The following TBC1D5 variants were observed in gnomAD, a reference collection of about 807,000 sequenced individuals.
TBC1D5 encodes TBC1 domain family member 5.
TBC1D5 carries 75 observed loss-of-function variants against 100.3 expected under a neutral mutation model. That is an observed-to-expected ratio of 0.75 (90% CI 0.62 to 0.91). The LOEUF (loss-of-function observed/expected upper bound fraction) is 0.91. TBC1D5 is among the 40% of genes least tolerant of loss of function. The pLI is 0.00. For missense variants in TBC1D5, 910 were observed against 942.4 expected, an observed-to-expected ratio of 0.97 and a Z score of 0.45; for synonymous variants, 323 against 325.6, an observed-to-expected ratio of 0.99 and a Z score of 0.09.
intron 2 of TBC1D5, among the ~76,000 whole-genome samples, chr3:17,584,576 T>C (rs2096720735): frequency 1.3e-5 from 2 of 152,244 alleles, no homozygotes; most frequent in African/African-American, 4.8e-5. Flanking sequence ...GAAATTCAAG[T>C]AAAATTAAAT....
chr3:17,609,407 T>C (rs149884839), intron 2 of TBC1D5, among the ~76,000 whole-genome samples: 1 of 152,330 alleles, frequency 6.6e-6, no homozygotes, highest in African/African-American at 2.4e-5. Flanking sequence ...TTTATACTCC[T>C]TGATTACACT....
intron 15 of TBC1D5, among the ~76,000 whole-genome samples, chr3:17,277,909 C>T (rs768355322): frequency 2.6e-5 from 4 of 152,146 alleles, no homozygotes; most frequent in Admixed American, 6.5e-5. Context: ...TATTATCAAA[C>T]GATCTCTAGA....
intron 2 of TBC1D5, among the ~76,000 whole-genome samples, chr3:17,549,304 A>G (rs2096451008): frequency 1.3e-5 from 2 of 152,332 alleles, no homozygotes. Flanking sequence ...CCATCTCAAA[A>G]AAATAAGATA....
intron 1 of TBC1D5, among the ~76,000 whole-genome samples, chr3:17,631,121 A>G (rs2063476659): frequency 6.6e-6 from 1 of 152,140 alleles, no homozygotes; most frequent in Admixed American, 6.5e-5. Flanking sequence ...TTCTAAAGAA[A>G]ATTAAAAGTG....
At chr3:17,234,893 C>T (rs1342783589) in intron 17 of TBC1D5, among the ~76,000 whole-genome samples, 1 of 152,150 alleles carries the variant, frequency 6.6e-6, no homozygotes, top group Non-Finnish European at 1.5e-5. Context: ...ACAGTACACA[C>T]ATTTAGTCTC....
chr3:17,196,200 A>G (rs909597167), intron 18 of TBC1D5, among the ~76,000 whole-genome samples: 3 of 152,214 alleles, frequency 2.0e-5, no homozygotes, highest in Admixed American at 6.5e-5. Flanking sequence ...ATTACGTAGG[A>G]CACCCTCCAT....
rs554615979 is a variant in TBC1D5 at position 17,285,292 on chromosome 3, G to C, written c.1245+6603C>G. Among the ~76,000 whole-genome samples the C allele has an allele frequency of 6.6e-5, 8 of 121,716 alleles. No individual in the cohort carries two copies. The East Asian group carries it at 2.5e-3, about 38-fold the overall frequency. The allele number at this position is 121,716 out of a possible 152,430, so 79.9% of individuals were successfully genotyped here. A position where few individuals can be genotyped will look rare whatever the true frequency, so the allele number is the denominator to read the frequency against. ...TTTTTTTTTTTTGAGACGGAGTCTCGCTCTGTCGCCCAGGCTGGAGTGCAG... is the reference window on the plus strand; with the variant it reads ...TTTTTTTTTTTTGAGACGGAGTCTCCCTCTGTCGCCCAGGCTGGAGTGCAG... On this transcript the variant is annotated intron_variant, in intron 15 of 21. Coordinates refer to ENST00000253692, the Ensembl canonical transcript of TBC1D5.
intron 18 of TBC1D5, among the ~76,000 whole-genome samples, chr3:17,205,642 G>C (rs2125873307): frequency 6.6e-6 from 1 of 152,248 alleles, no homozygotes; most frequent in African/African-American, 2.4e-5. Flanking sequence ...CCTCTGTCAT[G>C]AGCCTCTCGT....
intron 1 of TBC1D5, among the ~76,000 whole-genome samples, chr3:17,661,003 T>G: frequency 6.6e-6 from 1 of 152,214 alleles, no homozygotes; most frequent in Non-Finnish European, 1.5e-5. Flanking sequence ...CACAAAAATC[T>G]ACATGACCAC....
chr3:17,356,860 G>A (rs1559709434), intron 13 of TBC1D5, among the ~76,000 whole-genome samples: 1 of 152,142 alleles, frequency 6.6e-6, no homozygotes, highest in Non-Finnish European at 1.5e-5. Flanking sequence ...TCTTCTAGAA[G>A]GCAGACCTTG....
intron 1 of TBC1D5, among the ~76,000 whole-genome samples, chr3:17,699,613 TAC>T (rs1419035743): frequency 6.9e-6 from 1 of 145,660 alleles, no homozygotes; most frequent in Non-Finnish European, 1.5e-5. Context: ...CATCATCTGA[TAC>T]AGATTTATTC....
intron 1 of TBC1D5, among the ~76,000 whole-genome samples, chr3:17,674,519 T>C (rs761433557): frequency 2.0e-4 from 30 of 152,208 alleles, no homozygotes; most frequent in East Asian, 5.8e-4. Flanking sequence ...TCATGCAATA[T>C]TGTAATTTAT....
chr3:17,650,967 T>C (rs1400122665), intron 1 of TBC1D5, among the ~76,000 whole-genome samples: 2 of 152,198 alleles, frequency 1.3e-5, no homozygotes, highest in Non-Finnish European at 1.5e-5. Context: ...GTACTCCCAG[T>C]GCTATCAGGT....
At chr3:17,192,363 TA>T (rs75783515) in intron 18 of TBC1D5, among the ~76,000 whole-genome samples, 2,392 of 140,878 alleles carry the variant, frequency 0.017, 36 homozygotes, top group African/African-American at 0.05. Flanking sequence ...AAATAAATTG[TA>T]AAAAAAAAAA....
At chr3:17,463,013 C>T (rs1202062785) in intron 3 of TBC1D5, among the ~76,000 whole-genome samples, 1 of 152,126 alleles carries the variant, frequency 6.6e-6, no homozygotes, top group African/African-American at 2.4e-5. Flanking sequence ...CAGAAAACAG[C>T]TTTCTTTCCT....
intron 13 of TBC1D5, among the ~76,000 whole-genome samples, chr3:17,323,419 G>T (rs1403832093): frequency 2.0e-5 from 3 of 152,084 alleles, no homozygotes. Flanking sequence ...TGGAAAGGAA[G>T]AAATAAAACT....
At chr3:17,695,246 A>G (rs1329743984) in intron 1 of TBC1D5, among the ~76,000 whole-genome samples, 1 of 152,196 alleles carries the variant, frequency 6.6e-6, no homozygotes, top group Non-Finnish European at 1.5e-5. Flanking sequence ...ACACATAACA[A>G]TATTAACCTT....
At position 17,383,987 on chromosome 3, in the gene TBC1D5, CT is replaced by C; in HGVS notation, c.537del (p.Glu180LysfsTer3). ...TCTGTAAGAATTTTTCTCACATTTT[CT>C]TGCTGGAAAAACTGCATTTCAGGAA... is the stretch of plus-strand genomic sequence containing the variant. On this transcript the variant is annotated frameshift_variant, in exon 9 of 22. Transcript: ENST00000253692. LOFTEE classifies it high-confidence loss of function. The C allele has an allele frequency of 3.1e-6, 5 of 1,597,902 alleles. No individual in the cohort carries two copies. The highest frequency in any genetic ancestry group is 8.6e-7 in the Non-Finnish European group (1 of 1,169,250).
At position 17,253,525 on chromosome 3, in the gene TBC1D5, G is replaced by A. The variant is rs536359635; in HGVS notation, c.1331+4981C>T. 4.6e-5 allele frequency among the ~76,000 whole-genome samples: 7 copies of A among 152,174 alleles called. No homozygotes were observed. In the South Asian group the frequency reaches 1.2e-3, roughly 27 times the overall value. ...TATATATAATATACAGATCTTAAAT[G>A]TTCAATCTGATGAGTTTTGACACTT... On this transcript the variant is annotated intron_variant, in intron 16 of 21. Transcript: ENST00000253692.
Sources: gnomAD v4.1 joint callset for allele counts (sites outside exome capture counted in the v4.1 genomes callset) on GRCh38, gnomAD v4.1.1 for gene constraint, MANE v1.5 for transcripts, NCBI Gene and HGNC (gene_info 2026-07-23, HGNC 2026-07-21) for gene names.